Variants in CDC27 observed in about 807,000 individuals in gnomAD.
The protein encoded by CDC27 is cell division cycle protein 27 homolog.
A neutral mutation model predicts 109.7 loss-of-function variants in CDC27; 27 were observed. The ratio of observed to expected loss-of-function variants is 0.25; its 90% confidence interval spans 0.18 to 0.34. The LOEUF (loss-of-function observed/expected upper bound fraction) is 0.34, where lower values mean the gene tolerates loss of function less well. CDC27 is among the 10% of genes least tolerant of loss of function. CDC27 has a pLI of 1.00. For missense variants in CDC27, 579 were observed against 960.2 expected (o/e 0.60, Z 5.25); for synonymous variants, 266 against 333.9 (o/e 0.80, Z 2.22).
chr17:47,132,449 AC>A (rs2062373462), intron 14 of CDC27, 75 bp from the exon 15 acceptor site: 1 of 648,460 alleles, frequency 1.5e-6, no homozygotes, highest in African/African-American at 1.9e-5. Context: ...TAGTAAAAGA[AC>A]AAGTATAGAA....
intron 15 of CDC27, among the ~76,000 whole-genome samples, chr17:47,130,303 T>C (rs1341333522): frequency 6.6e-6 from 1 of 151,834 alleles, no homozygotes; most frequent in African/African-American, 2.4e-5. Context: ...GAGGTTGCAG[T>C]GAGCCAAGAT....
chr17:47,152,885 T>A (rs1450338906), intron 8 of CDC27, among the ~76,000 whole-genome samples: 4 of 152,176 alleles, frequency 2.6e-5, no homozygotes, highest in African/African-American at 9.7e-5. Flanking sequence ...TTAAATTAGG[T>A]TTACTCTGTT....
intron 9 of CDC27, among the ~76,000 whole-genome samples, chr17:47,144,193 G>C (rs1035354035): frequency 6.6e-6 from 1 of 152,048 alleles, no homozygotes; most frequent in Non-Finnish European, 1.5e-5. Context: ...TTCTCAGCTT[G>C]CAGATGGCCT....
At chr17:47,140,973 T>A (rs2062776286) in intron 12 of CDC27, among the ~76,000 whole-genome samples, 1 of 152,182 alleles carries the variant, frequency 6.6e-6, no homozygotes, top group South Asian at 2.1e-4. Context: ...TCTCCCAGTT[T>A]CCTCACCATG....
At chr17:47,127,648 G>C (rs913007584) in intron 16 of CDC27, among the ~76,000 whole-genome samples, 1 of 151,876 alleles carries the variant, frequency 6.6e-6, no homozygotes, top group Admixed American at 6.6e-5. Flanking sequence ...TGATCTGCCC[G>C]CCCCAGCCTC....
chr17:47,188,936 C>G, intron 1 of CDC27: 1 of 1,424,136 alleles, frequency 7.0e-7, no homozygotes, highest in Non-Finnish European at 9.2e-7. Flanking sequence ...AAGCCGCTCA[C>G]GCTAAGGGTG....
chr17:47,141,702 C>T (rs1053037371), intron 12 of CDC27, 151 bp downstream of exon 12: 1 of 453,292 alleles, frequency 2.2e-6, no homozygotes, highest in African/African-American at 2.1e-5. Context: ...AGAACTATAT[C>T]TATAAATTAT....
chr17:47,130,877 C>CA (rs35788312), intron 15 of CDC27, among the ~76,000 whole-genome samples: 84,967 of 138,750 alleles, frequency 0.61, 25,550 homozygotes, highest in Middle Eastern at 0.69. Context: ...AACTCCATCT[C>CA]AAAAAAAAAA....
chr17:47,135,259 T>C (rs114805714), intron 14 of CDC27, among the ~76,000 whole-genome samples: 1,716 of 152,284 alleles, frequency 0.011, 28 homozygotes, highest in African/African-American at 0.039. Context: ...AGCATGCTCC[T>C]ATACTTATAG....
rs1281501882 is a variant in CDC27 at position 47,137,371 on chromosome 17, T to C, written c.1705-11A>G. 1.3e-6 allele frequency: 2 copies of C among 1,525,802 alleles called. No individual in the cohort carries two copies. Among genetic ancestry groups the C allele is most frequent in the African/African-American group, 2.8e-5 (2 of 71,092 alleles). The allele number at this position is 1,525,802 out of a possible 1,614,324, so 94.5% of individuals were successfully genotyped here. The stretch of plus-strand genomic sequence containing the variant: ...TGCAGCACACCAGGCCTTAAAAAAA[T>C]GGGAACAAAAACCAAACAGAATTAA... On this transcript the variant is annotated splice_polypyrimidine_tract_variant and intron_variant, in intron 13 of 18. Transcript: ENST00000066544.
intron 4 of CDC27, chr17:47,159,644 G>T: frequency 2.2e-6 from 1 of 455,586 alleles, no homozygotes. Context: ...CACCTCCTTG[G>T]AGCATTTAAC....
intron 15 of CDC27, among the ~76,000 whole-genome samples, chr17:47,131,404 T>C (rs1167041034): frequency 2.6e-5 from 4 of 152,136 alleles, no homozygotes; most frequent in African/African-American, 9.7e-5. Flanking sequence ...AATGTCATTA[T>C]AGTCAATAGA....
chr17:47,135,965 C>T (rs948479912), intron 14 of CDC27, among the ~76,000 whole-genome samples: 1 of 151,962 alleles, frequency 6.6e-6, no homozygotes, highest in African/African-American at 2.4e-5. Flanking sequence ...ATGGTGAAAT[C>T]CCGTCTCTAC....
rs754230179 is a variant in CDC27, at chr17:47,189,135, G to A, written c.27+11C>T. The A allele has an allele frequency of 1.2e-6, 2 of 1,612,936 alleles. No individual in the cohort carries two copies. Among genetic ancestry groups the A allele is most frequent in the African/African-American group, 1.3e-5 (1 of 74,924 alleles). Reference sequence around the variant, plus strand: ...TGCCAGCCAAGCCCCAGAGAAGAAGGTTATCATTACCTGGACGGGTTCCTG... The same window carrying A: ...TGCCAGCCAAGCCCCAGAGAAGAAGATTATCATTACCTGGACGGGTTCCTG... On this transcript the variant is annotated intron_variant, in intron 1 of 18. Transcript: ENST00000066544.
At chr17:47,159,253 C>T (rs148688644) in intron 4 of CDC27, 413 of 533,858 alleles carry the variant, frequency 7.7e-4, no homozygotes, top group East Asian at 5.9e-3. Context: ...TGGGTCTTGA[C>T]GAGGTGGTCA....
In CDC27 at chr17:47,129,491, C is replaced by A; in HGVS notation, c.2062G>T (p.Ala688Ser). Residue 688 changes from alanine to serine, a missense_variant, in exon 16 of 19, where the codon GCT becomes TCT. Transcript: ENST00000066544. ...VQHALKKSEKALDTLNKAIVI... is the reference protein window; with the variant it reads ...VQHALKKSEKSLDTLNKAIVI... The stretch of plus-strand genomic sequence containing the variant: ...ATGGCTTTGTTTAGGGTATCCAAAG[C>A]CTTCTCTGATTTTTTCAGTGCATGT... The A allele has an allele frequency of 6.2e-7, 1 of 1,607,126 alleles. No individual in the cohort carries two copies. The highest frequency in any genetic ancestry group is 1.7e-4 in the Middle Eastern group (1 of 6,032).
chr17:47,151,173 C>T (rs573433493), intron 9 of CDC27, among the ~76,000 whole-genome samples: 1 of 152,180 alleles, frequency 6.6e-6, no homozygotes, highest in Non-Finnish European at 1.5e-5. Flanking sequence ...GAGCCTCAGG[C>T]AATCACTGCA....
At chr17:47,138,143 G>A (rs1171625759) in intron 13 of CDC27, among the ~76,000 whole-genome samples, 2 of 152,094 alleles carry the variant, frequency 1.3e-5, no homozygotes, top group African/African-American at 4.8e-5. Context: ...ACCAGGATGA[G>A]TTATTTTTAG....
At chr17:47,153,089 C>T (rs528468043) in intron 8 of CDC27, among the ~76,000 whole-genome samples, 1 of 152,330 alleles carries the variant, frequency 6.6e-6, no homozygotes, top group South Asian at 2.1e-4. Context: ...TCACTACATT[C>T]ATCCAAGGGA....
Sources: allele counts gnomAD v4.1 joint callset (sites outside exome capture counted in the v4.1 genomes callset), GRCh38; gene constraint gnomAD v4.1.1; transcripts MANE v1.5; gene names NCBI Gene and HGNC (gene_info 2026-07-23, HGNC 2026-07-21).